Variants in SLCO6A1 observed in about 807,000 individuals in gnomAD.
SLCO6A1 encodes solute carrier organic anion transporter family member 6A1.
SLCO6A1 carries 65 observed loss-of-function variants against 72.7 expected under a neutral mutation model. That is an observed-to-expected ratio of 0.89 (90% confidence interval 0.73 to 1.10). The LOEUF is 1.10. SLCO6A1 is among the 50% of genes least tolerant of loss of function. SLCO6A1 has a pLI of 0.00. For synonymous variants in SLCO6A1, 314 were observed against 298.2 expected (o/e 1.05, Z -0.55); for missense variants, 874 against 872.6 (o/e 1.00, Z -0.02).
intron 1 of SLCO6A1, among the ~76,000 whole-genome samples, chr5:102,483,427 G>T (rs1561498807): frequency 6.6e-6 from 1 of 152,254 alleles, no homozygotes; most frequent in Non-Finnish European, 1.5e-5. Flanking sequence ...TCACCAAAAA[G>T]TGTGCCTCTT....
intron 12 of SLCO6A1, among the ~76,000 whole-genome samples, chr5:102,377,899 CT>C (rs34866181): frequency 1.4e-3 from 197 of 145,456 alleles, no homozygotes; most frequent in East Asian, 3.4e-3. Context: ...GTCTTAAACT[CT>C]TTTTTTTTTT....
intron 7 of SLCO6A1, among the ~76,000 whole-genome samples, chr5:102,430,598 GT>G (rs1749161652): frequency 6.6e-6 from 1 of 152,074 alleles, no homozygotes; most frequent in Non-Finnish European, 1.5e-5. Context: ...GATAAATCAT[GT>G]TTATTGACGT....
chr5:102,422,086 A>G (rs1041659092), intron 7 of SLCO6A1, among the ~76,000 whole-genome samples: 21 of 152,208 alleles, frequency 1.4e-4, no homozygotes, highest in Non-Finnish European at 2.6e-4. Flanking sequence ...ACATCCACAA[A>G]AAAGATGCCC....
At chr5:102,372,439 C>T (rs150882305) in intron 13 of SLCO6A1, among the ~76,000 whole-genome samples, 94 of 151,794 alleles carry the variant, frequency 6.2e-4, no homozygotes, top group African/African-American at 2.1e-3. Context: ...GATTTTTATA[C>T]AATATTTGGA....
chr5:102,484,429 A>T (rs904199672), intron 1 of SLCO6A1, among the ~76,000 whole-genome samples: 6 of 152,056 alleles, frequency 3.9e-5, no homozygotes, highest in African/African-American at 1.4e-4. Flanking sequence ...ATGGGTGGAT[A>T]CCTGAGATCA....
At chr5:102,473,032 G>GAGAACCGTACCA (rs1307996306) in intron 4 of SLCO6A1, among the ~76,000 whole-genome samples, 1 of 151,926 alleles carries the variant, frequency 6.6e-6, no homozygotes, top group Admixed American at 6.6e-5. Context: ...AGCTTCACTG[G>GAGAACCGTACCA]AGAACCGTAC....
At chr5:102,435,497 G>A (rs371420081) in intron 7 of SLCO6A1, among the ~76,000 whole-genome samples, 10 of 152,134 alleles carry the variant, frequency 6.6e-5, no homozygotes, top group African/African-American at 2.2e-4. Flanking sequence ...AAGCAGAAAG[G>A]AAAGTCCTAG....
At chr5:102,441,366 G>A (rs1341005254) in intron 6 of SLCO6A1, among the ~76,000 whole-genome samples, 1 of 152,070 alleles carries the variant, frequency 6.6e-6, no homozygotes, top group Non-Finnish European at 1.5e-5. Flanking sequence ...TTATTACATA[G>A]CAAGTTCTTA....
chr5:102,490,809 T>C (rs1338001729), intron 1 of SLCO6A1, among the ~76,000 whole-genome samples: 1 of 152,054 alleles, frequency 6.6e-6, no homozygotes, highest in East Asian at 1.9e-4. Flanking sequence ...ACCTTCGCGG[T>C]GAGTGTTACC....
At chr5:102,475,013 G>A (rs575129410) in intron 4 of SLCO6A1, among the ~76,000 whole-genome samples, 1 of 152,114 alleles carries the variant, frequency 6.6e-6, no homozygotes, top group African/African-American at 2.4e-5. Context: ...ATAAAAAACA[G>A]TATAAAAGTT....
At chr5:102,477,907 A>T (rs1284691057) in intron 2 of SLCO6A1, 46 bp from the exon 3 acceptor site, 2 of 1,506,256 alleles carry the variant, frequency 1.3e-6, no homozygotes, top group Non-Finnish European at 1.8e-6. Context: ...GAACTCAAAC[A>T]TAAAACAAAT....
chr5:102,403,007 GA>G (rs1379854313), intron 9 of SLCO6A1, among the ~76,000 whole-genome samples: 6 of 152,068 alleles, frequency 3.9e-5, no homozygotes, highest in African/African-American at 1.4e-4. Context: ...CTTATTTGAT[GA>G]AAAAATATGA....
chr5:102,413,137 C>T lies in SLCO6A1; in HGVS notation c.1479G>A (p.Gly493=). ...AAGGAGCCGTGAGGTTTCCCAACTT[C>T]CCTGTTCTGTAAAAACAAGATTGAA... is the stretch of plus-strand genomic sequence containing the variant. ...AGINEDYDGT[G]KLGNLTAPCN... Residue 493 remains glycine (G), a synonymous_variant, in exon 9 of 14, where the codon GGG becomes GGA. Transcript: ENST00000506729. The T allele has an allele frequency of 1.3e-6, 2 of 1,559,522 alleles. No homozygotes were observed. Among genetic ancestry groups the T allele is most frequent in the Non-Finnish European group, 8.6e-7 (1 of 1,161,526 alleles).
chr5:102,460,165 C>T (rs910038533), intron 4 of SLCO6A1, among the ~76,000 whole-genome samples: 4 of 152,060 alleles, frequency 2.6e-5, no homozygotes, highest in Non-Finnish European at 5.9e-5. Context: ...GCACTGAGAC[C>T]TTTATGACAA....
At chr5:102,424,580 G>A (rs1234966436) in intron 7 of SLCO6A1, among the ~76,000 whole-genome samples, 4 of 151,984 alleles carry the variant, frequency 2.6e-5, no homozygotes, top group Admixed American at 2.0e-4. Context: ...GGAAGAAGTC[G>A]AATCCCTGAG....
intron 6 of SLCO6A1, among the ~76,000 whole-genome samples, chr5:102,449,632 C>T (rs1050442244): frequency 6.6e-5 from 10 of 152,094 alleles, no homozygotes; most frequent in East Asian, 1.9e-4. Flanking sequence ...GTGATCCGCC[C>T]GCCTCGGCCC....
intron 6 of SLCO6A1, among the ~76,000 whole-genome samples, chr5:102,455,974 C>A (rs1419493769): frequency 6.6e-6 from 1 of 152,124 alleles, no homozygotes; most frequent in Non-Finnish European, 1.5e-5. Flanking sequence ...TAAACATAAT[C>A]CAGCATATAA....
At chr5:102,391,335 CA>C (rs1476811683) in intron 10 of SLCO6A1, 18 of 358,534 alleles carry the variant, frequency 5.0e-5, no homozygotes, top group Non-Finnish European at 8.2e-5. Context: ...AAAGACTTAG[CA>C]CTAGATTTTA....
At position 102,498,907 on chromosome 5, in the gene SLCO6A1, G is replaced by A; in HGVS notation, c.-63C>T. 6 of 1,479,882 alleles carry A rather than the reference G, an allele frequency of 4.1e-6. No homozygotes were observed. In the South Asian group the frequency reaches 7.7e-5, roughly 19 times the overall value. The allele number at this position is 1,479,882 out of a possible 1,614,324, so 91.7% of individuals were successfully genotyped here. Reference sequence around the variant, plus strand: ...TGCTCTCGGCTGCCCGTCCTGCCTGGGCCAACCCAAAGGCCAGCCTGGCGA... The same window carrying A: ...TGCTCTCGGCTGCCCGTCCTGCCTGAGCCAACCCAAAGGCCAGCCTGGCGA... On this transcript the variant is annotated 5_prime_UTR_variant, in exon 1 of 14. Coordinates refer to ENST00000506729, the MANE Select transcript of SLCO6A1 (RefSeq NM_173488.5).
Sources: gnomAD v4.1 joint callset for allele counts (sites outside exome capture counted in the v4.1 genomes callset) on GRCh38, gnomAD v4.1.1 for gene constraint, MANE v1.5 for transcripts, NCBI Gene and HGNC (gene_info 2026-07-23, HGNC 2026-07-21) for gene names.